The following MCTP1 variants were observed in gnomAD, a reference collection of about 807,000 sequenced individuals.
The protein encoded by MCTP1 is multiple C2 and transmembrane domain containing 1, also known as multiple C2 and transmembrane domain-containing protein 1.
In MCTP1, 69 loss-of-function variants were observed where a neutral mutation model predicts 120.6. That is an observed-to-expected ratio of 0.57 (90% CI 0.47 to 0.70). The LOEUF (loss-of-function observed/expected upper bound fraction) is 0.70. MCTP1 is among the 30% of genes least tolerant of loss of function. The pLI is 0.00. For missense variants in MCTP1, 1,203 were observed against 1,248.8 expected, an observed-to-expected ratio of 0.96 and a Z score of 0.55; for synonymous variants, 529 against 493.1, an observed-to-expected ratio of 1.07 and a Z score of -0.96.
rs191686265 is a variant in MCTP1 at position 94,964,395 on chromosome 5, G to A, written c.839-11034C>T. Among the ~76,000 whole-genome samples, 38 of 152,210 alleles carry A rather than the reference G, an allele frequency of 2.5e-4. No individual in the cohort carries two copies. In the East Asian group the frequency reaches 7.3e-3, roughly 29 times the overall value. Reference sequence around the variant, plus strand: ...GTCTAGAGTGTAGTTTAAGATTGATGTTTCCTTATTGATTTTCTGTCTAGA... The same window carrying A: ...GTCTAGAGTGTAGTTTAAGATTGATATTTCCTTATTGATTTTCTGTCTAGA... On this transcript the variant is annotated intron_variant, in intron 2 of 22. Coordinates refer to ENST00000515393, the MANE Select transcript of MCTP1 (RefSeq NM_024717.7).
At chr5:94,895,899 T>C (rs1803867265) in intron 10 of MCTP1, among the ~76,000 whole-genome samples, 1 of 152,178 alleles carries the variant, frequency 6.6e-6, no homozygotes, top group African/African-American at 2.4e-5. Context: ...GGAATATTGA[T>C]GTAAGAAAGG....
chr5:94,867,216 GA>G lies in MCTP1; in HGVS notation c.2436+1116del, dbSNP rs1796981710. 1.0e-5 allele frequency: 14 copies of G among 1,403,818 alleles called. 1 individual carries two copies. In the South Asian group the frequency reaches 2.2e-4, roughly 22 times the overall value. 87.0% of individuals were successfully genotyped at this position (1,403,818 alleles called of 1,614,324 possible). A position where few individuals can be genotyped will look rare whatever the true frequency, so the allele number is the denominator to read the frequency against. ...ATACTGAGAGAGACAGAGAGAGAGA[GA>G]TTTTTTTTCTAAAACTTAACGATAA... On this transcript the variant is annotated intron_variant, in intron 17 of 22. Transcript: ENST00000515393.
rs545087786 is a variant in MCTP1 at position 94,932,816 on chromosome 5, G to A, written c.1174-825C>T. Among the ~76,000 whole-genome samples, 4 of 152,014 alleles carry A rather than the reference G, an allele frequency of 2.6e-5. No individual in the cohort carries two copies. In the South Asian group the frequency reaches 8.3e-4, roughly 32 times the overall value. On this transcript the variant is annotated intron_variant, in intron 5 of 22. Transcript: ENST00000515393. ...GAGAATAGGAAATATTCAGGGCAAG[G>A]AATATAGCTTAAAGTGCTTGTGCCA...
intron 1 of MCTP1, among the ~76,000 whole-genome samples, chr5:95,166,376 A>C (rs903551298): frequency 6.6e-6 from 1 of 152,200 alleles, no homozygotes; most frequent in Admixed American, 6.5e-5. Flanking sequence ...TGTCATAAAA[A>C]TGCAGGTAAG....
intron 1 of MCTP1, among the ~76,000 whole-genome samples, chr5:95,242,457 C>G (rs1756272714): frequency 6.6e-6 from 1 of 152,086 alleles, no homozygotes; most frequent in South Asian, 2.1e-4. Context: ...ATATTTCTGG[C>G]CTTATTTGTA....
chr5:95,067,128 T>TG (rs1750865398), intron 1 of MCTP1, among the ~76,000 whole-genome samples: 1 of 51,130 alleles, frequency 2.0e-5, no homozygotes, highest in Non-Finnish European at 3.5e-5. Flanking sequence ...TACCAGATGC[T>TG]GGGGAGGGGT....
chr5:95,061,270 A>G (rs1348505205), intron 1 of MCTP1, among the ~76,000 whole-genome samples: 2 of 152,076 alleles, frequency 1.3e-5, no homozygotes, highest in Non-Finnish European at 2.9e-5. Flanking sequence ...TAAATAAGGG[A>G]AAAACATAAT....
chr5:95,024,088 A>G (rs1358384206), intron 1 of MCTP1: 1 of 449,886 alleles, frequency 2.2e-6, no homozygotes, highest in Admixed American at 2.4e-5. Context: ...GTTGTGCAGA[A>G]GCTTTTCAAT....
chr5:95,047,219 T>G (rs1220862287), intron 1 of MCTP1, among the ~76,000 whole-genome samples: 2 of 152,162 alleles, frequency 1.3e-5, no homozygotes, highest in East Asian at 3.9e-4. Context: ...AGTCTCTACT[T>G]TGTCTACTTT....
intron 1 of MCTP1, among the ~76,000 whole-genome samples, chr5:95,027,986 C>T (rs1839585803): frequency 6.6e-6 from 1 of 152,196 alleles, no homozygotes; most frequent in African/African-American, 2.4e-5. Context: ...CTTCTTCCTC[C>T]ACAGTTCTGT....
rs531796288 is a variant in MCTP1, at chr5:94,920,509, G to A, written c.1273-2536C>T. On this transcript the variant is annotated intron_variant, in intron 7 of 22. Coordinates refer to ENST00000515393, the MANE Select transcript of MCTP1 (RefSeq NM_024717.7). ...TGTAATCCCAGCACTTTGGGAGGCC[G>A]AGGCGGGCAGATCACGAGGTCAGGA... Among the ~76,000 whole-genome samples the A allele has an allele frequency of 3.3e-5, 5 of 152,044 alleles. No homozygotes were observed. The South Asian group carries it at 6.2e-4, about 19-fold the overall frequency.
At chr5:94,746,712 G>C (rs1316267481) in intron 19 of MCTP1, among the ~76,000 whole-genome samples, 1 of 152,122 alleles carries the variant, frequency 6.6e-6, no homozygotes, top group Non-Finnish European at 1.5e-5. Flanking sequence ...ATAAAGATAG[G>C]TAAATTATTC....
At position 94,871,366 on chromosome 5, in the gene MCTP1, ATCT is replaced by A; in HGVS notation, c.2085_2087del (p.Glu695del). On this transcript the variant is annotated inframe_deletion, in exon 14 of 23. Coordinates refer to ENST00000515393, the MANE Select transcript of MCTP1 (RefSeq NM_024717.7). ...CCAGAAAGTCAGCACTTCGATCCCG[ATCT>A]TCATCATAAACTGTCACTTCAAGAA... 1 of 1,612,844 alleles carries A rather than the reference ATCT, an allele frequency of 6.2e-7. No homozygotes were observed. The highest frequency in any genetic ancestry group is 8.5e-7 in the Non-Finnish European group (1 of 1,179,238).
intron 1 of MCTP1, among the ~76,000 whole-genome samples, chr5:95,248,298 T>C (rs895284777): frequency 6.6e-6 from 1 of 152,212 alleles, no homozygotes; most frequent in Non-Finnish European, 1.5e-5. Context: ...CAAAATCTCC[T>C]TAAGCTGATA....
At chr5:95,047,259 T>G (rs1744793273) in intron 1 of MCTP1, among the ~76,000 whole-genome samples, 1 of 152,168 alleles carries the variant, frequency 6.6e-6, no homozygotes. Context: ...CACTATGGCC[T>G]TAGTGACATC....
chr5:95,048,448 A>G (rs1745100627), intron 1 of MCTP1, among the ~76,000 whole-genome samples: 1 of 152,174 alleles, frequency 6.6e-6, no homozygotes. Context: ...TAATCATGAA[A>G]TGTTGTTACA....
At chr5:95,021,369 C>A (rs994933625) in intron 1 of MCTP1, among the ~76,000 whole-genome samples, 1 of 151,910 alleles carries the variant, frequency 6.6e-6, no homozygotes, top group African/African-American at 2.4e-5. Flanking sequence ...ACAAAAAGTA[C>A]AAAATTTTGA....
At chr5:95,211,174 A>T (rs1364288642) in intron 1 of MCTP1, among the ~76,000 whole-genome samples, 1 of 151,732 alleles carries the variant, frequency 6.6e-6, no homozygotes, top group Non-Finnish European at 1.5e-5. Context: ...CTTCTCGAGG[A>T]GTATCTTTGT....
chr5:95,035,055 A>G lies in MCTP1; in HGVS notation c.721-17571T>C, dbSNP rs140674328. ...ACACCAGTCAGAATGACTATTATTA[A>G]AAGGTCAAAAAATAACAGATGTTGG... On this transcript the variant is annotated intron_variant, in intron 1 of 22. Coordinates refer to ENST00000515393, the MANE Select transcript of MCTP1 (RefSeq NM_024717.7). Among the ~76,000 whole-genome samples, 109 of 152,230 alleles carry G rather than the reference A, an allele frequency of 7.2e-4. 2 individuals are homozygous for G. In the Middle Eastern group the frequency reaches 0.014, roughly 19 times the overall value.
Sources: allele counts gnomAD v4.1 joint callset (sites outside exome capture counted in the v4.1 genomes callset), GRCh38; gene constraint gnomAD v4.1.1; transcripts MANE v1.5; gene names NCBI Gene and HGNC (gene_info 2026-07-23, HGNC 2026-07-21).